LRP2BP: variants seen among roughly 807,000 people sequenced by gnomAD.
LRP2BP encodes the protein LRP2-binding protein.
Under a neutral mutation model 45.2 loss-of-function variants are expected in LRP2BP, and 38 were observed. The observed-to-expected ratio is 0.84, with a 90% CI of 0.65 to 1.10. The LOEUF (loss-of-function observed/expected upper bound fraction) is 1.10, where lower values mean the gene tolerates loss of function less well. Ranked by LOEUF, LRP2BP falls within the 50% of genes least tolerant of loss-of-function variation. The pLI, the probability that LRP2BP is intolerant of heterozygous loss-of-function variation, is 0.00. For missense variants in LRP2BP, 385 were observed against 418.9 expected, an observed-to-expected ratio of 0.92 and a Z score of 0.71; for synonymous variants, 153 against 153.9, an observed-to-expected ratio of 0.99 and a Z score of 0.04.
Position 185,371,420 on chromosome 4 carries a change from T to C in LRP2BP, c.804-606A>G, listed in dbSNP as rs1485214378. On this transcript the variant is annotated intron_variant, in intron 7 of 8. Coordinates refer to ENST00000505916, the MANE Select transcript of LRP2BP (RefSeq NM_001377440.1). ...AGCTGGGCATGGTAGCGGGTGCCTG[T>C]AGTCCCAGCTACTCGGGAGGCTGAG... Among the ~76,000 whole-genome samples, 11 of 151,782 alleles carry C rather than the reference T, an allele frequency of 7.2e-5. No homozygotes were observed. In the South Asian group the frequency reaches 1.9e-3, roughly 26 times the overall value.
Position 185,395,441 on chromosome 4 carries a change from GAATTGATAAAC to G in LRP2BP, c.-695_-685del. ...CGTGTTTTAAAAAGCAGTGCTTATT[GAATTGATAAAC>G]AAAAGCGAAACTGGCAATATCAACG... On this transcript the variant is annotated 5_prime_UTR_variant, in exon 1 of 9. Coordinates refer to ENST00000505916, the MANE Select transcript of LRP2BP (RefSeq NM_001377440.1). The G allele has an allele frequency of 1.0e-6, 1 of 985,294 alleles. No homozygotes were observed. Among genetic ancestry groups the G allele is most frequent in the Non-Finnish European group, 1.2e-6 (1 of 829,836 alleles). 61.0% of individuals were successfully genotyped at this position (985,294 alleles called of 1,614,324 possible).
At chr4:185,371,740 G>A (rs1291219844) in intron 7 of LRP2BP, among the ~76,000 whole-genome samples, 1 of 152,110 alleles carries the variant, frequency 6.6e-6, no homozygotes, top group African/African-American at 2.4e-5. Flanking sequence ...TAACTAAGAT[G>A]GGCACTTGCT....
rs1382994002 is a variant in LRP2BP at position 185,366,975 on chromosome 4, CTCT to C, written c.*202_*204del. On this transcript the variant is annotated 3_prime_UTR_variant, in exon 9 of 9. Coordinates refer to ENST00000505916, the MANE Select transcript of LRP2BP (RefSeq NM_001377440.1). Reference sequence around the variant, plus strand: ...AGGGTAAGAGGTGGACCTCTGAGGACTCTTCCAGCAATTTGACCTTGTGTCTAG... The same window carrying C: ...AGGGTAAGAGGTGGACCTCTGAGGACTCCAGCAATTTGACCTTGTGTCTAG... 5 of 513,102 alleles carry C rather than the reference CTCT, an allele frequency of 9.7e-6. No individual in the cohort carries two copies. The highest frequency in any genetic ancestry group is 1.7e-5 in the Non-Finnish European group (5 of 287,692). The allele number at this position is 513,102 out of a possible 1,614,324, so 31.8% of individuals were successfully genotyped here.
At chr4:185,370,555 C>A in intron 8 of LRP2BP, 85 bp downstream of exon 8, 1 of 1,401,626 alleles carries the variant, frequency 7.1e-7, no homozygotes, top group Non-Finnish European at 9.8e-7. Flanking sequence ...GTAGAAAAAA[C>A]ACTAATCCGT....
At chr4:185,383,090 A>C (rs2095460171) in intron 1 of LRP2BP, among the ~76,000 whole-genome samples, 1 of 152,154 alleles carries the variant, frequency 6.6e-6, no homozygotes, top group African/African-American at 2.4e-5. Context: ...CATTTGTTAT[A>C]CTTTCACCTC....
chr4:185,387,756 C>T (rs1292771824), intron 1 of LRP2BP, among the ~76,000 whole-genome samples: 1 of 152,216 alleles, frequency 6.6e-6, no homozygotes, highest in Non-Finnish European at 1.5e-5. Context: ...AGGTCCCCAC[C>T]CCGCTGGATA....
At chr4:185,389,025 G>A (rs937948787) in intron 1 of LRP2BP, among the ~76,000 whole-genome samples, 3 of 151,526 alleles carry the variant, frequency 2.0e-5, no homozygotes, top group Non-Finnish European at 4.4e-5. Flanking sequence ...GATTACAAGT[G>A]CCTGCCACCA....
At position 185,395,209 on chromosome 4, in the gene LRP2BP, A is replaced by T; in HGVS notation, c.-452T>A. The T allele has an allele frequency of 1.0e-6, 1 of 981,688 alleles. No individual in the cohort carries two copies. The highest frequency in any genetic ancestry group is 1.7e-5 in the African/African-American group (1 of 57,348). The allele number at this position is 981,688 out of a possible 1,614,324, so 60.8% of individuals were successfully genotyped here. ...AAATTTACGTATGTAACAGGAAGTT[A>T]AAAAATAACTACCACTTAATGCATA... is the stretch of plus-strand genomic sequence containing the variant. On this transcript the variant is annotated 5_prime_UTR_variant, in exon 1 of 9. Transcript: ENST00000505916.
At chr4:185,388,226 A>G (rs1251742647) in intron 1 of LRP2BP, among the ~76,000 whole-genome samples, 2 of 152,162 alleles carry the variant, frequency 1.3e-5, no homozygotes. Flanking sequence ...CTGAGGTGAG[A>G]GCAGCGCAGT....
At position 185,394,931 on chromosome 4, in the gene LRP2BP, A is replaced by T. The variant is rs992293947; in HGVS notation, c.-174T>A. On this transcript the variant is annotated 5_prime_UTR_variant, in exon 1 of 9. Transcript: ENST00000505916. ...GATCATCTTCCGTTTTAGAAAATTGATCCCACCTGCTACACGCCTGGTGAA... is the reference window on the plus strand; with the variant it reads ...GATCATCTTCCGTTTTAGAAAATTGTTCCCACCTGCTACACGCCTGGTGAA... 1.6e-5 allele frequency: 16 copies of T among 985,340 alleles called. No homozygotes were observed. In the East Asian group the frequency reaches 1.8e-3, roughly 112 times the overall value. The allele number at this position is 985,340 out of a possible 1,614,324, so 61.0% of individuals were successfully genotyped here.
intron 1 of LRP2BP, among the ~76,000 whole-genome samples, chr4:185,381,868 A>C (rs983171243): frequency 6.6e-5 from 10 of 152,220 alleles, no homozygotes; most frequent in Non-Finnish European, 7.3e-5. Flanking sequence ...ACTTTTTACA[A>C]ATTGATATAT....
Position 185,378,153 on chromosome 4 carries a change from G to A in LRP2BP, c.34C>T (p.Pro12Ser), listed in dbSNP as rs776661004. 12 of 1,613,808 alleles carry A rather than the reference G, an allele frequency of 7.4e-6. No homozygotes were observed. The highest frequency in any genetic ancestry group is 6.7e-5 in the East Asian group (3 of 44,872). The change falls in exon 2 of 9, where the codon CCC becomes TCC. Residue 12 changes from proline to serine, a missense_variant. By Grantham distance (74) the Pro-to-Ser change is moderately conservative. Coordinates refer to ENST00000505916, the MANE Select transcript of LRP2BP (RefSeq NM_001377440.1). ...KLTSEKLPKNPFYASVSQYAA... is the reference protein window; with the variant it reads ...KLTSEKLPKNSFYASVSQYAA... ...TACTGAGATACAGAGGCATAAAAGGGGTTCTTGGGCAACTTTTCACTGGTC... is the reference window on the plus strand; with the variant it reads ...TACTGAGATACAGAGGCATAAAAGGAGTTCTTGGGCAACTTTTCACTGGTC...
chr4:185,378,650 A>G (rs2095446279), intron 1 of LRP2BP: 1 of 987,532 alleles, frequency 1.0e-6, no homozygotes, highest in African/African-American at 1.7e-5. Flanking sequence ...TTACCTGGGA[A>G]TACACTTTAT....
intron 1 of LRP2BP, among the ~76,000 whole-genome samples, chr4:185,381,422 T>C (rs1037319083): frequency 6.6e-6 from 1 of 152,216 alleles, no homozygotes; most frequent in African/African-American, 2.4e-5. Flanking sequence ...CGGATAAACA[T>C]AGTAGTAGTA....
At position 185,374,313 on chromosome 4, in the gene LRP2BP, G is replaced by A. The variant is rs759443875; in HGVS notation, c.473+6C>T. ...CAAACCTAATCTTGTTCTCAGGTAGGATTACCTTTCAGCTTCCTCATTTGA... is the reference window on the plus strand; with the variant it reads ...CAAACCTAATCTTGTTCTCAGGTAGAATTACCTTTCAGCTTCCTCATTTGA... On this transcript the variant is annotated splice_donor_region_variant and intron_variant, in intron 5 of 8. Transcript: ENST00000505916. 57 of 1,613,922 alleles carry A rather than the reference G, an allele frequency of 3.5e-5. No individual in the cohort carries two copies. In the South Asian group the frequency reaches 5.7e-4, roughly 16 times the overall value.
chr4:185,380,735 A>C (rs572933572), intron 1 of LRP2BP, among the ~76,000 whole-genome samples: 1 of 152,252 alleles, frequency 6.6e-6, no homozygotes, highest in South Asian at 2.1e-4. Flanking sequence ...TCAACCCACC[A>C]TGCTCTTCAG....
Position 185,374,431 on chromosome 4 carries a change from G to C in LRP2BP, c.361C>G (p.Leu121Val). The C allele has an allele frequency of 2.5e-6, 4 of 1,613,980 alleles. 1 individual carries two copies. The South Asian group carries it at 4.4e-5, about 18-fold the overall frequency. ...EKGVDYMKKI[L>V]DSPCPKARHL... ...CTTGCTTTGGGACATGGAGAATCAA[G>C]AATTTTCTTCATATAGTCCACCCCT... The change falls in exon 5 of 9, where the codon CTT becomes GTT. Residue 121 changes from leucine to valine, a missense_variant. Leu to Val is a conservative substitution (Grantham distance 32, BLOSUM62 1). Coordinates refer to ENST00000505916, the MANE Select transcript of LRP2BP (RefSeq NM_001377440.1).
In LRP2BP at chr4:185,374,327, T is replaced by C. The variant is rs752393395; in HGVS notation, c.465A>G (p.Glu155=). The C allele has an allele frequency of 1.2e-6, 2 of 1,614,112 alleles. No individual in the cohort carries two copies. The highest frequency in any genetic ancestry group is 1.7e-6 in the Non-Finnish European group (2 of 1,179,990). Residue 155 remains glutamate (E), a synonymous_variant, in exon 5 of 9, where the codon GAA becomes GAG. Transcript: ENST00000505916. ...EGKGVKRSNE[E]AERLWLIAAD... ...TTCTCAGGTAGGATTACCTTTCAGC[T>C]TCCTCATTTGATCGTTTAACACCTT...
Position 185,368,655 on chromosome 4 carries a change from A to G in LRP2BP, c.979-1410T>C, listed in dbSNP as rs147309522. On this transcript the variant is annotated intron_variant, in intron 8 of 8. Coordinates refer to ENST00000505916, the MANE Select transcript of LRP2BP (RefSeq NM_001377440.1). ...TGATCTCCATTTTATCAGTATCCCCATAATGTACAATGGCCTAAACTGAGT... is the reference window on the plus strand; with the variant it reads ...TGATCTCCATTTTATCAGTATCCCCGTAATGTACAATGGCCTAAACTGAGT... Among the ~76,000 whole-genome samples the G allele has an allele frequency of 1.1e-4, 17 of 152,346 alleles. No individual in the cohort carries two copies. The East Asian group carries it at 3.3e-3, about 29-fold the overall frequency.
Sources: gnomAD v4.1 joint callset for allele counts (sites outside exome capture counted in the v4.1 genomes callset) on GRCh38, gnomAD v4.1.1 for gene constraint, MANE v1.5 for transcripts, NCBI Gene and HGNC (gene_info 2026-07-23, HGNC 2026-07-21) for gene names.